CACNA1A: variants seen among roughly 807,000 people sequenced by gnomAD.
CACNA1A encodes calcium voltage-gated channel subunit alpha1 A.
In CACNA1A, 57 loss-of-function variants were observed where a neutral mutation model predicts 262.4. The observed-to-expected ratio is 0.22, with a 90% CI of 0.18 to 0.27. The LOEUF is 0.27. Among genes scored for constraint, CACNA1A ranks in the 10% least tolerant of loss-of-function variants. The pLI, the probability that CACNA1A is intolerant of heterozygous loss-of-function variation, is 1.00. For missense variants in CACNA1A, 2,526 were observed against 3,562.8 expected, an observed-to-expected ratio of 0.71 and a Z score of 7.41; for synonymous variants, 1,431 against 1,419.3, an observed-to-expected ratio of 1.01 and a Z score of -0.18.
chr19:13,459,524 C>G (rs1017187045), intron 1 of CACNA1A, among the ~76,000 whole-genome samples: 3 of 152,174 alleles, frequency 2.0e-5, no homozygotes, highest in Admixed American at 1.3e-4. Flanking sequence ...CTTTCTGCCT[C>G]TGAGCTGACA....
intron 6 of CACNA1A, among the ~76,000 whole-genome samples, chr19:13,337,767 GC>G (rs1420472010): frequency 3.9e-5 from 6 of 152,122 alleles, no homozygotes; most frequent in Non-Finnish European, 7.3e-5. Flanking sequence ...ATTTTGTTGT[GC>G]AAACATCATG....
rs541526804 is a variant in CACNA1A at position 13,427,278 on chromosome 19, C to A, written c.539+25598G>T. On this transcript the variant is annotated intron_variant, in intron 3 of 46. Transcript: ENST00000360228. Reference sequence around the variant, plus strand: ...ACCAGCCTGACCAACATGGAGAAACCCCGTCTCTACTAAAAAAAATTAAAT... The same window carrying A: ...ACCAGCCTGACCAACATGGAGAAACACCGTCTCTACTAAAAAAAATTAAAT... Among the ~76,000 whole-genome samples, 4 of 152,008 alleles carry A rather than the reference C, an allele frequency of 2.6e-5. No homozygotes were observed. The East Asian group carries it at 5.8e-4, about 22-fold the overall frequency.
rs148855231 is a variant in CACNA1A, at chr19:13,452,864, C to T, written c.539+12G>A. On this transcript the variant is annotated intron_variant, in intron 3 of 46. Coordinates refer to ENST00000360228, the MANE Select transcript of CACNA1A (RefSeq NM_001127222.2). ...CTAGTTAAATCCAAAGCGTATAGCA[C>T]GCGCCACTTACCCCGTTAGCACCAC... 70 of 1,612,484 alleles carry T rather than the reference C, an allele frequency of 4.3e-5. No homozygotes were observed. The highest frequency in any genetic ancestry group is 3.9e-4 in the South Asian group (35 of 90,894).
intron 35 of CACNA1A, among the ~76,000 whole-genome samples, chr19:13,231,356 C>G (rs1216360484): frequency 6.6e-6 from 1 of 152,066 alleles, no homozygotes; most frequent in Non-Finnish European, 1.5e-5. Flanking sequence ...TTCTGGCCCC[C>G]ACTCCCAACC....
chr19:13,437,379 G>A (rs1456797179), intron 3 of CACNA1A, among the ~76,000 whole-genome samples: 1 of 152,128 alleles, frequency 6.6e-6, no homozygotes, highest in Non-Finnish European at 1.5e-5. Context: ...CAGAAGGGAA[G>A]AGAGGTGGAG....
intron 3 of CACNA1A, among the ~76,000 whole-genome samples, chr19:13,380,732 G>GGTTT (rs576457560): frequency 0.058 from 7,880 of 136,656 alleles, 472 homozygotes; most frequent in East Asian, 0.23. Context: ...TTCATTTATT[G>GGTTT]GTTTGTTTGT....
chr19:13,332,810 A>G (rs2058489194), intron 9 of CACNA1A, 59 bp downstream of exon 9: 7 of 1,169,776 alleles, frequency 6.0e-6, no homozygotes, highest in African/African-American at 1.5e-5. Flanking sequence ...CCGACTCCCC[A>G]CCACAGCTTC....
intron 26 of CACNA1A, chr19:13,261,022 C>A (rs2056722946): frequency 6.4e-6 from 1 of 156,704 alleles, no homozygotes; most frequent in Non-Finnish European, 1.4e-5. Context: ...GTTATTTACC[C>A]CATTTGATGT....
At chr19:13,208,137 G>C in intron 46 of CACNA1A, 84 bp from the exon 47 acceptor site, 1 of 649,984 alleles carries the variant, frequency 1.5e-6, no homozygotes, top group South Asian at 6.5e-5. Context: ...GAAGAGAGGG[G>C]AGCGAAGGGA....
At chr19:13,424,274 T>C (rs895278574) in intron 3 of CACNA1A, among the ~76,000 whole-genome samples, 1 of 151,906 alleles carries the variant, frequency 6.6e-6, no homozygotes, top group Admixed American at 6.6e-5. Flanking sequence ...GAGGCTGAAG[T>C]AGGAGAATCA....
intron 1 of CACNA1A, among the ~76,000 whole-genome samples, chr19:13,473,253 A>C (rs868060992): frequency 4.6e-4 from 34 of 73,504 alleles, no homozygotes; most frequent in African/African-American, 3.6e-3. Context: ...AGGCCCTGAC[A>C]AAAAAAAAAA....
intron 24 of CACNA1A, among the ~76,000 whole-genome samples, chr19:13,266,020 T>G (rs1393909364): frequency 6.6e-6 from 1 of 152,092 alleles, no homozygotes; most frequent in African/African-American, 2.4e-5. Context: ...AATTTTGTAT[T>G]TTTAGTAGAG....
At chr19:13,396,910 C>G (rs1221950932) in intron 3 of CACNA1A, among the ~76,000 whole-genome samples, 2 of 152,046 alleles carry the variant, frequency 1.3e-5, no homozygotes, top group African/African-American at 4.8e-5. Context: ...CCTGCTCCCT[C>G]CCTGGTTCTG....
chr19:13,338,695 C>T lies in CACNA1A; in HGVS notation c.979-2786G>A, dbSNP rs138409647. ...CAAAGTCCTGGTAGGGGTACCCTTG[C>T]GGGGAGGTAGTGACTAGGAACAGGA... On this transcript the variant is annotated intron_variant, in intron 6 of 46. Transcript: ENST00000360228. Among the ~76,000 whole-genome samples, 80 of 152,084 alleles carry T rather than the reference C, an allele frequency of 5.3e-4. 1 individual carries two copies. The highest frequency in any genetic ancestry group is 5.0e-3 in the South Asian group (24 of 4,816).
intron 1 of CACNA1A, among the ~76,000 whole-genome samples, chr19:13,472,879 A>G (rs1194153943): frequency 1.3e-5 from 2 of 152,192 alleles, no homozygotes; most frequent in Non-Finnish European, 2.9e-5. Flanking sequence ...CTCTGCAAGT[A>G]TAATTAAATT....
intron 45 of CACNA1A, 130 bp from the exon 46 acceptor site, chr19:13,209,139 G>A: frequency 7.2e-7 from 1 of 1,395,130 alleles, no homozygotes; most frequent in South Asian, 1.3e-5. Flanking sequence ...AGGTCAGTGG[G>A]TTGGGGGGAG....
chr19:13,456,783 A>T (rs1400028876), intron 1 of CACNA1A, among the ~76,000 whole-genome samples: 2 of 152,246 alleles, frequency 1.3e-5, no homozygotes, highest in African/African-American at 2.4e-5. Context: ...GAAGACAGTC[A>T]AATGGCCAAT....
In CACNA1A at chr19:13,497,514, AAAAAAAAATATATATATATATATATAT is replaced by A. The variant is rs1568709508; in HGVS notation, c.293+8391_293+8417del. On this transcript the variant is annotated intron_variant, in intron 1 of 46. Transcript: ENST00000360228. ...AAAAAAAAAAAAAAAAAAAAAAAAAAAAAAAAAATATATATATATATATATATATATATATATATATATATATATATA... is the reference window on the plus strand; with the variant it reads ...AAAAAAAAAAAAAAAAAAAAAAAAAAATATATATATATATATATATATATA... Among the ~76,000 whole-genome samples the A allele has an allele frequency of 7.1e-4, 28 of 39,260 alleles. 1 individual carries two copies. The highest frequency in any genetic ancestry group is 8.7e-4 in the Non-Finnish European group (20 of 22,862). 25.8% of individuals were successfully genotyped at this position (39,260 alleles called of 152,430 possible).
At chr19:13,458,575 C>T (rs1225532515) in intron 1 of CACNA1A, among the ~76,000 whole-genome samples, 3 of 152,116 alleles carry the variant, frequency 2.0e-5, no homozygotes, top group African/African-American at 4.8e-5. Flanking sequence ...GGGGAGGGGT[C>T]GTCCAGTAAG....
Sources: allele counts gnomAD v4.1 joint callset (sites outside exome capture counted in the v4.1 genomes callset), GRCh38; gene constraint gnomAD v4.1.1; transcripts MANE v1.5; gene names NCBI Gene and HGNC (gene_info 2026-07-23, HGNC 2026-07-21).